Variants in STARD13 observed in about 807,000 individuals in gnomAD.
STARD13 encodes the protein stAR-related lipid transfer protein 13.
In STARD13, 62 loss-of-function variants were observed where a neutral mutation model predicts 106.4. That is an observed-to-expected ratio of 0.58 (90% CI 0.48 to 0.72). STARD13 has a LOEUF of 0.72. Ranked by LOEUF, STARD13 falls within the 30% of genes least tolerant of loss-of-function variation. The probability of loss-of-function intolerance (pLI) is 0.00; values close to 1 mark genes in which losing one functional copy is unlikely to be tolerated. For missense variants in STARD13, 1,387 were observed against 1,424.0 expected (o/e 0.97, Z 0.42); for synonymous variants, 565 against 553.0 (o/e 1.02, Z -0.31).
chr13:33,439,862 G>A, the STARD13 span: 2 of 376,402 alleles, frequency 5.3e-6, no homozygotes, highest in Admixed American at 3.8e-5. Context: ...GCCAACTGAG[G>A]CATGAAGATT....
chr13:33,246,620 G>T (rs186346770), intron 1 of STARD13, among the ~76,000 whole-genome samples: 1 of 152,062 alleles, frequency 6.6e-6, no homozygotes. Context: ...TAGATCCAAC[G>T]AGGATCCAAA....
At chr13:33,629,077 G>A in the STARD13 span, among the ~76,000 whole-genome samples, 1 of 152,204 alleles carries the variant, frequency 6.6e-6, no homozygotes, top group South Asian at 2.1e-4. Context: ...GGTGGTAGCT[G>A]CATAAAGAGA....
At chr13:33,538,002 C>T in the STARD13 span, among the ~76,000 whole-genome samples, 19 of 152,048 alleles carry the variant, frequency 1.2e-4, no homozygotes, top group Non-Finnish European at 5.9e-5. Context: ...GGAATTAAGA[C>T]GGAAAGTCAC....
the STARD13 span, among the ~76,000 whole-genome samples, chr13:33,514,173 C>T: frequency 6.6e-6 from 1 of 152,238 alleles, no homozygotes; most frequent in African/African-American, 2.4e-5. Context: ...AATACCTTGA[C>T]GCTCAGGCAG....
At chr13:33,588,999 A>T in the STARD13 span, among the ~76,000 whole-genome samples, 2 of 152,174 alleles carry the variant, frequency 1.3e-5, no homozygotes, top group African/African-American at 2.4e-5. Flanking sequence ...TTTTCAGACC[A>T]TCCTCTTTGC....
chr13:33,436,123 T>A, the STARD13 span, among the ~76,000 whole-genome samples: 1 of 152,208 alleles, frequency 6.6e-6, no homozygotes, highest in Non-Finnish European at 1.5e-5. Context: ...GTTGAATAGC[T>A]ATGTCCGTGA....
the STARD13 span, among the ~76,000 whole-genome samples, chr13:33,532,101 T>C: frequency 6.6e-6 from 1 of 152,186 alleles, no homozygotes; most frequent in African/African-American, 2.4e-5. Context: ...CTATAGGCTG[T>C]CGTTCTGCTC....
rs1278385134 is a variant in STARD13 at position 33,129,360 on chromosome 13, A to G, written c.1317T>C (p.Pro439=). ...GSISLGREQV[P]GAREPRLMAS... is the part of the protein sequence containing the mutation. ...CCATGAGCCGGGGCTCCCTGGCACCAGGGACCTGCTCTCTGCCCAGGGAGA... is the reference window on the plus strand; with the variant it reads ...CCATGAGCCGGGGCTCCCTGGCACCGGGGACCTGCTCTCTGCCCAGGGAGA... Residue 439 remains proline (P), a synonymous_variant, in exon 5 of 14, where the codon CCT becomes CCC. Coordinates refer to ENST00000336934, the MANE Select transcript of STARD13 (RefSeq NM_178006.4). The G allele has an allele frequency of 6.2e-7, 1 of 1,614,150 alleles. No individual in the cohort carries two copies. The highest frequency in any genetic ancestry group is 1.3e-5 in the African/African-American group (1 of 75,046).
At chr13:33,600,397 T>C in the STARD13 span, among the ~76,000 whole-genome samples, 1 of 152,250 alleles carries the variant, frequency 6.6e-6, no homozygotes, top group African/African-American at 2.4e-5. Context: ...TATTTAATTC[T>C]TATGAATAGT....
At chr13:33,527,511 T>C in the STARD13 span, among the ~76,000 whole-genome samples, 1 of 152,048 alleles carries the variant, frequency 6.6e-6, no homozygotes, top group South Asian at 2.1e-4. Flanking sequence ...CTCCTAATCT[T>C]TGCCCAAATT....
the STARD13 span, among the ~76,000 whole-genome samples, chr13:33,588,135 T>C: frequency 2.0e-5 from 3 of 152,120 alleles, no homozygotes; most frequent in South Asian, 4.1e-4. Context: ...TCTTGCTGGC[T>C]ATGCAGTGAG....
intron 9 of STARD13, 95 bp downstream of exon 9, chr13:33,112,626 C>T (rs1208889923): frequency 2.0e-5 from 20 of 992,698 alleles, no homozygotes; most frequent in Middle Eastern, 2.2e-4. Flanking sequence ...TATATCCATT[C>T]GTATCTATCT....
the STARD13 span, among the ~76,000 whole-genome samples, chr13:33,605,804 A>T: frequency 2.6e-5 from 4 of 152,216 alleles, no homozygotes; most frequent in African/African-American, 7.2e-5. Flanking sequence ...ATATCAGGCC[A>T]TAGTTCTACT....
intron 1 of STARD13, among the ~76,000 whole-genome samples, chr13:33,264,362 CA>C (rs767723251): frequency 1.3e-5 from 2 of 152,202 alleles, no homozygotes; most frequent in African/African-American, 2.4e-5. Flanking sequence ...ATCACACTTC[CA>C]TGGAGCTCAA....
At chr13:33,339,488 C>G (rs1702555396) in intron 1 of STARD13, among the ~76,000 whole-genome samples, 1 of 152,096 alleles carries the variant, frequency 6.6e-6, no homozygotes, top group African/African-American at 2.4e-5. Context: ...ATGTTAATAC[C>G]CATTTTTTGA....
intron 1 of STARD13, among the ~76,000 whole-genome samples, chr13:33,192,717 G>A (rs1886337529): frequency 6.6e-6 from 1 of 152,126 alleles, no homozygotes; most frequent in Admixed American, 6.5e-5. Flanking sequence ...TGACTAAAAT[G>A]GAGAAACGCC....
chr13:33,555,461 C>G, the STARD13 span, among the ~76,000 whole-genome samples: 1 of 152,140 alleles, frequency 6.6e-6, no homozygotes, highest in Non-Finnish European at 1.5e-5. Context: ...CCTTTTTTAT[C>G]CTGAAATTAT....
intron 3 of STARD13, among the ~76,000 whole-genome samples, chr13:33,142,801 G>C (rs994902942): frequency 2.0e-5 from 3 of 152,178 alleles, no homozygotes; most frequent in African/African-American, 7.2e-5. Context: ...TTGGGTATAG[G>C]TAGAAAATAA....
chr13:33,291,719 G>A (rs1199844057), intron 1 of STARD13, among the ~76,000 whole-genome samples: 1 of 152,184 alleles, frequency 6.6e-6, no homozygotes, highest in Non-Finnish European at 1.5e-5. Flanking sequence ...CCCACGTTAA[G>A]TGAAGTGTGG....
Sources: gnomAD v4.1 joint callset for allele counts (sites outside exome capture counted in the v4.1 genomes callset) on GRCh38, gnomAD v4.1.1 for gene constraint, MANE v1.5 for transcripts, NCBI Gene and HGNC (gene_info 2026-07-23, HGNC 2026-07-21) for gene names.